The following SAMD5 variants were observed in gnomAD, a reference collection of about 807,000 sequenced individuals.
SAMD5 encodes sterile alpha motif domain-containing protein 5.
Under a neutral mutation model 11.3 loss-of-function variants are expected in SAMD5, and 13 were observed. The ratio of observed to expected loss-of-function variants is 1.15; its 90% confidence interval spans 0.75 to 1.83. The LOEUF (loss-of-function observed/expected upper bound fraction) is 1.83, where lower values mean the gene tolerates loss of function less well. SAMD5 is among the 40% of genes most tolerant of loss of function. SAMD5 has a pLI of 0.00. For missense variants in SAMD5, 255 were observed against 239.1 expected, an observed-to-expected ratio of 1.07 and a Z score of -0.44; for synonymous variants, 129 against 111.3, an observed-to-expected ratio of 1.16 and a Z score of -1.00.
intron 1 of SAMD5, among the ~76,000 whole-genome samples, chr6:147,620,361 G>A (rs1789941221): frequency 6.6e-6 from 1 of 152,130 alleles, no homozygotes; most frequent in Non-Finnish European, 1.5e-5. Context: ...AGCCAGCTTT[G>A]ATCACTTCTC....
rs183395879 is a variant in SAMD5, at chr6:147,569,964, A to G, written c.*5508A>G. 1 of 985,288 alleles carries G rather than the reference A, an allele frequency of 1.0e-6. No homozygotes were observed. 61.0% of individuals were successfully genotyped at this position (985,288 alleles called of 1,614,324 possible). Reference sequence around the variant, plus strand: ...TGAACCATGTAATGCATGCCCATGCACACTGTGATTTGCAAACATATGTCC... The same window carrying G: ...TGAACCATGTAATGCATGCCCATGCGCACTGTGATTTGCAAACATATGTCC... On this transcript the variant is annotated 3_prime_UTR_variant, in exon 2 of 2. Transcript: ENST00000367474.
At chr6:147,947,837 G>A in the SAMD5 span, among the ~76,000 whole-genome samples, 1 of 151,788 alleles carries the variant, frequency 6.6e-6, no homozygotes, top group Non-Finnish European at 1.5e-5. Context: ...GCCTTTATTG[G>A]AATTTTTTAA....
At chr6:147,634,933 T>TGTACACAGA (rs149642619) in intron 1 of SAMD5, among the ~76,000 whole-genome samples, 73,068 of 151,802 alleles carry the variant, frequency 0.48, 19,366 homozygotes, top group South Asian at 0.66. Flanking sequence ...TGAAGCCACT[T>TGTACACAGA]AGTAGTACAC....
At chr6:147,846,958 C>A in the SAMD5 span, among the ~76,000 whole-genome samples, 1 of 152,188 alleles carries the variant, frequency 6.6e-6, no homozygotes, top group South Asian at 2.1e-4. Flanking sequence ...GTTATAAGTC[C>A]CTGTTATAAA....
intron 1 of SAMD5, among the ~76,000 whole-genome samples, chr6:147,534,819 C>G (rs867359751): frequency 6.6e-6 from 1 of 152,092 alleles, no homozygotes; most frequent in African/African-American, 2.4e-5. Context: ...ACTCCTAAAC[C>G]ATAATTTTTA....
At chr6:147,800,206 A>G in the SAMD5 span, among the ~76,000 whole-genome samples, 3 of 152,002 alleles carry the variant, frequency 2.0e-5, no homozygotes, top group South Asian at 4.2e-4. Context: ...GGTTTTATCT[A>G]CTTTTGGTCT....
intron 1 of SAMD5, among the ~76,000 whole-genome samples, chr6:147,646,464 T>G (rs567463261): frequency 3.9e-5 from 6 of 152,212 alleles, no homozygotes; most frequent in Non-Finnish European, 5.9e-5. Context: ...AGGATTTCGA[T>G]TGGCCTGTTT....
the SAMD5 span, among the ~76,000 whole-genome samples, chr6:147,776,647 A>T: frequency 6.6e-6 from 1 of 152,198 alleles, no homozygotes; most frequent in Non-Finnish European, 1.5e-5. Flanking sequence ...CTCCCCTACC[A>T]TCTTAAAGAA....
At chr6:147,881,541 G>T in the SAMD5 span, among the ~76,000 whole-genome samples, 4 of 152,234 alleles carry the variant, frequency 2.6e-5, no homozygotes, top group Non-Finnish European at 5.9e-5. Flanking sequence ...CGGTAGAGGT[G>T]TTCCTCCAGC....
intron 1 of SAMD5, among the ~76,000 whole-genome samples, chr6:147,607,562 A>G (rs1165531080): frequency 6.6e-6 from 1 of 152,144 alleles, no homozygotes; most frequent in Non-Finnish European, 1.5e-5. Flanking sequence ...TAAAGGTGCC[A>G]AGGATATACA....
rs1444666063 is a variant in SAMD5 at position 147,648,101 on chromosome 6, A to G, written c.163-89216A>G. On this transcript the variant is annotated intron_variant, in intron 1 of 1. Coordinates refer to the SAMD5 transcript ENST00000566741. ...TTATAGAAGCAGATTTGTGAAATGC[A>G]TCAGTGCATGTATTAGTCCTTTTTC... is the stretch of plus-strand genomic sequence containing the variant. Among the ~76,000 whole-genome samples the G allele has an allele frequency of 2.0e-5, 3 of 152,210 alleles. 1 individual carries two copies. The highest frequency in any genetic ancestry group is 4.4e-5 in the Non-Finnish European group (3 of 68,044).
At chr6:147,590,352 A>G (rs576773105) in intron 1 of SAMD5, among the ~76,000 whole-genome samples, 31 of 152,258 alleles carry the variant, frequency 2.0e-4, no homozygotes, top group African/African-American at 6.3e-4. Context: ...TGTTTTTCTC[A>G]TTTAAAAATC....
At chr6:147,793,017 TATATCCCC>T in the SAMD5 span, among the ~76,000 whole-genome samples, 6 of 152,158 alleles carry the variant, frequency 3.9e-5, no homozygotes, top group Non-Finnish European at 8.8e-5. Context: ...AAATAGAGCA[TATATCCCC>T]ATTCTTTAAG....
chr6:147,799,542 G>A, the SAMD5 span, among the ~76,000 whole-genome samples: 1 of 151,442 alleles, frequency 6.6e-6, no homozygotes, highest in African/African-American at 2.4e-5. Flanking sequence ...TGACAATTAT[G>A]TGTCTTGGAG....
chr6:147,831,705 A>C, the SAMD5 span, among the ~76,000 whole-genome samples: 16 of 152,352 alleles, frequency 1.1e-4, no homozygotes, highest in East Asian at 2.9e-3. Flanking sequence ...AACTAACTAC[A>C]TGTGGGAGAT....
the SAMD5 span, among the ~76,000 whole-genome samples, chr6:147,893,116 C>A: frequency 6.6e-6 from 1 of 151,550 alleles, no homozygotes; most frequent in East Asian, 2.0e-4. Context: ...ACAGGAGAAT[C>A]GCTTGAACCT....
At chr6:147,664,812 T>A (rs1790693671) in intron 1 of SAMD5, among the ~76,000 whole-genome samples, 1 of 152,166 alleles carries the variant, frequency 6.6e-6, no homozygotes, top group South Asian at 2.1e-4. Flanking sequence ...AAAAAAATTC[T>A]AAAACATACA....
intron 1 of SAMD5, among the ~76,000 whole-genome samples, chr6:147,540,299 CG>C: frequency 6.6e-6 from 1 of 152,234 alleles, no homozygotes; most frequent in East Asian, 1.9e-4. Flanking sequence ...GCTACTGAGT[CG>C]GAGAGCAGTG....
At chr6:147,860,110 GCTCT>G in the SAMD5 span, among the ~76,000 whole-genome samples, 5 of 151,978 alleles carry the variant, frequency 3.3e-5, no homozygotes, top group East Asian at 5.8e-4. Context: ...GCAGGGCCTT[GCTCT>G]CTCTCTCTGA....
Sources: allele counts gnomAD v4.1 joint callset (sites outside exome capture counted in the v4.1 genomes callset), GRCh38; gene constraint gnomAD v4.1.1; transcripts MANE v1.5; gene names NCBI Gene and HGNC (gene_info 2026-07-23, HGNC 2026-07-21).